DHRSX: variants seen among roughly 807,000 people sequenced by gnomAD.
The protein encoded by DHRSX is polyprenol dehydrogenase.
Under a neutral mutation model 34.0 loss-of-function variants are expected in DHRSX, and 31 were observed. The ratio of observed to expected loss-of-function variants is 0.91; its 90% confidence interval spans 0.69 to 1.23. The LOEUF is 1.23. DHRSX is among the 50% of genes most tolerant of loss of function. DHRSX has a pLI of 0.00. For missense variants in DHRSX, 414 were observed against 428.1 expected, an observed-to-expected ratio of 0.97 and a Z score of 0.29; for synonymous variants, 201 against 183.8, an observed-to-expected ratio of 1.09 and a Z score of -0.76.
chrX:2,449,641 G>C (rs1186742492), intron 1 of DHRSX, among the ~76,000 whole-genome samples: 1 of 151,952 alleles, frequency 6.6e-6, no homozygotes, highest in African/African-American at 2.4e-5. Flanking sequence ...GACCACACAC[G>C]CGTGCCACCA....
intron 1 of DHRSX, among the ~76,000 whole-genome samples, chrX:2,464,226 T>C (rs899762267): frequency 7.4e-5 from 11 of 147,846 alleles, no homozygotes; most frequent in African/African-American, 2.5e-4. Flanking sequence ...ACTTAAGACA[T>C]TCCCTAAGCA....
intron 1 of DHRSX, chrX:2,490,048 G>T (rs775532002): frequency 6.2e-7 from 1 of 1,613,838 alleles, no homozygotes; most frequent in South Asian, 1.1e-5. Context: ...TGGACAGGCA[G>T]TTGGGGGCGC....
At position 2,259,375 on chromosome X, in the gene DHRSX, G is replaced by GATATATATATAGATATATAGATATAT. The variant is rs1297724554; in HGVS notation, c.596+7339_596+7364dup. 6.0e-5 allele frequency among the ~76,000 whole-genome samples: 8 copies of GATATATATATAGATATATAGATATAT among 133,816 alleles called. No homozygotes were observed. The South Asian group carries it at 9.0e-4, about 15-fold the overall frequency. 87.8% of individuals were successfully genotyped at this position (133,816 alleles called of 152,430 possible). A position where few individuals can be genotyped will look rare whatever the true frequency, so the allele number is the denominator to read the frequency against. Reference sequence around the variant, plus strand: ...ATATAGATAGATATAGATATATATAGATATATATATAGATATATAGATATA... The same window carrying GATATATATATAGATATATAGATATAT: ...ATATAGATAGATATAGATATATATAGATATATATATAGATATATAGATATATATATATATATAGATATATAGATATA... On this transcript the variant is annotated intron_variant, in intron 5 of 6. Transcript: ENST00000334651.
intron 3 of DHRSX, among the ~76,000 whole-genome samples, chrX:2,379,408 G>A (rs1435366727): frequency 2.0e-5 from 3 of 152,062 alleles, no homozygotes; most frequent in Non-Finnish European, 2.9e-5. Context: ...GCAAACAAAC[G>A]AAGGGTTAAT....
intron 3 of DHRSX, chrX:2,334,846 C>G (rs1471079732): frequency 6.6e-6 from 1 of 152,038 alleles, no homozygotes; most frequent in Non-Finnish European, 1.5e-5. Context: ...CCCCTCCAAG[C>G]CTTTGTGAAC....
intron 6 of DHRSX, among the ~76,000 whole-genome samples, chrX:2,240,677 G>A (rs752008251): frequency 1.6e-4 from 24 of 152,100 alleles, no homozygotes; most frequent in African/African-American, 5.3e-4. Context: ...CAACCCATGC[G>A]GTTTTGAAGG....
chrX:2,376,613 T>C (rs1408744145), intron 3 of DHRSX, among the ~76,000 whole-genome samples: 1 of 137,590 alleles, frequency 7.3e-6, no homozygotes, highest in East Asian at 2.0e-4. Flanking sequence ...GTAGTGTCAT[T>C]GCATACAACT....
At chrX:2,258,020 G>A (rs1323307078) in intron 5 of DHRSX, among the ~76,000 whole-genome samples, 1 of 152,158 alleles carries the variant, frequency 6.6e-6, no homozygotes, top group Non-Finnish European at 1.5e-5. Flanking sequence ...AAGAAGAGGA[G>A]ATGAGGACAC....
At chrX:2,331,327 T>C (rs903447859) in intron 3 of DHRSX, among the ~76,000 whole-genome samples, 1 of 152,066 alleles carries the variant, frequency 6.6e-6, no homozygotes, top group African/African-American at 2.4e-5. Context: ...AATATTGGAA[T>C]TCACTTTTTC....
intron 4 of DHRSX, among the ~76,000 whole-genome samples, chrX:2,285,808 A>G (rs1435889641): frequency 2.7e-5 from 4 of 149,372 alleles, no homozygotes; most frequent in Admixed American, 6.6e-5. Context: ...CACACAACGA[A>G]GAAGAATTCT....
chrX:2,455,741 C>CAAAAAAAAAAAA (rs752123891), intron 1 of DHRSX, among the ~76,000 whole-genome samples: 25 of 59,734 alleles, frequency 4.2e-4, no homozygotes, highest in Admixed American at 7.0e-4. Flanking sequence ...AACTTCGTCT[C>CAAAAAAAAAAAA]AAAAAAAAAA....
chrX:2,249,084 A>G (rs2016371556), intron 5 of DHRSX, among the ~76,000 whole-genome samples: 1 of 152,056 alleles, frequency 6.6e-6, no homozygotes, highest in Non-Finnish European at 1.5e-5. Flanking sequence ...TGTGAAGAAC[A>G]TGGGGAAAAC....
rs752042786 is a variant in DHRSX, at chrX:2,444,882, C to T, written c.110-19578G>A. Among the ~76,000 whole-genome samples, 4 of 152,020 alleles carry T rather than the reference C, an allele frequency of 2.6e-5. No homozygotes were observed. The East Asian group carries it at 5.8e-4, about 22-fold the overall frequency. On this transcript the variant is annotated intron_variant, in intron 1 of 6. Coordinates refer to ENST00000334651, the MANE Select transcript of DHRSX (RefSeq NM_145177.3). ...AAAAATAATAAAAAATTAGGCTGGGCGGAGTAGCTCACACCTGTAATCCCA... is the reference window on the plus strand; with the variant it reads ...AAAAATAATAAAAAATTAGGCTGGGTGGAGTAGCTCACACCTGTAATCCCA...
intron 3 of DHRSX, among the ~76,000 whole-genome samples, chrX:2,315,189 G>T (rs67226143): frequency 6.6e-6 from 1 of 151,320 alleles, no homozygotes; most frequent in Non-Finnish European, 1.5e-5. Flanking sequence ...TAGGTCTTAA[G>T]CGTGAGCTGC....
intron 3 of DHRSX, among the ~76,000 whole-genome samples, chrX:2,314,048 A>C (rs1462481068): frequency 2.0e-5 from 3 of 151,534 alleles, no homozygotes; most frequent in Non-Finnish European, 2.9e-5. Flanking sequence ...TTGCACAGGA[A>C]GCTCTCAGAT....
rs184194054 is a variant in DHRSX at position 2,258,414 on chromosome X, T to C, written c.596+8326A>G. On this transcript the variant is annotated intron_variant, in intron 5 of 6. Transcript: ENST00000334651. Reference sequence around the variant, plus strand: ...GACTGTGAGAGAATAATGTCTGTTGTTTATAATCTACCCAGTCTATGGTAT... The same window carrying C: ...GACTGTGAGAGAATAATGTCTGTTGCTTATAATCTACCCAGTCTATGGTAT... Among the ~76,000 whole-genome samples, 23 of 148,742 alleles carry C rather than the reference T, an allele frequency of 1.5e-4. No homozygotes were observed. In the East Asian group the frequency reaches 4.6e-3, roughly 30 times the overall value.
chrX:2,359,277 T>C (rs975525307), intron 3 of DHRSX, among the ~76,000 whole-genome samples: 5 of 152,162 alleles, frequency 3.3e-5, no homozygotes, highest in Non-Finnish European at 7.3e-5. Context: ...CATCAATCAT[T>C]CTGTCATAAA....
intron 1 of DHRSX, among the ~76,000 whole-genome samples, chrX:2,452,831 GTCA>G (rs2044243836): frequency 6.6e-6 from 1 of 152,232 alleles, no homozygotes; most frequent in Non-Finnish European, 1.5e-5. Context: ...CAAAGGTCCA[GTCA>G]TGGGCCTGCG....
chrX:2,372,255 C>CCATGCTTCTAGTTTTGAGGCGAAATA (rs2124601828), intron 3 of DHRSX, among the ~76,000 whole-genome samples: 1 of 152,238 alleles, frequency 6.6e-6, no homozygotes, highest in African/African-American at 2.4e-5. Flanking sequence ...GTTGGGAAAT[C>CCATGCTTCTAGTTTTGAGGCGAAATA]CATGCTTCTA....
Sources: allele counts gnomAD v4.1 joint callset (sites outside exome capture counted in the v4.1 genomes callset), GRCh38; gene constraint gnomAD v4.1.1; transcripts MANE v1.5; gene names NCBI Gene and HGNC (gene_info 2026-07-23, HGNC 2026-07-21).